The following VSTM2B variants were observed in gnomAD, a reference collection of about 807,000 sequenced individuals.
VSTM2B encodes V-set and transmembrane domain containing 2B, also known as V-set and transmembrane domain-containing protein 2B.
In VSTM2B, 24 loss-of-function variants were observed where a neutral mutation model predicts 24.0. The ratio of observed to expected loss-of-function variants is 1.00; its 90% CI spans 0.72 to 1.40. VSTM2B has a LOEUF of 1.40. Among genes scored for constraint, VSTM2B ranks in the 40% most tolerant of loss-of-function variants. The pLI is 0.00. For synonymous variants in VSTM2B, 226 were observed against 194.4 expected (o/e 1.16, Z -1.35); for missense variants, 399 against 416.4 (o/e 0.96, Z 0.36).
chr19:29,545,485 T>C (rs922525224), intron 4 of VSTM2B, among the ~76,000 whole-genome samples: 2 of 152,078 alleles, frequency 1.3e-5, no homozygotes, highest in Non-Finnish European at 1.5e-5. Context: ...TGCTGGCACA[T>C]GCCTGTAACC....
chr19:29,551,892 A>G (rs947311170), intron 4 of VSTM2B, among the ~76,000 whole-genome samples: 2 of 152,184 alleles, frequency 1.3e-5, no homozygotes, highest in Non-Finnish European at 2.9e-5. Flanking sequence ...TCTCCACGCC[A>G]TGTAAAAAAA....
intron 4 of VSTM2B, among the ~76,000 whole-genome samples, chr19:29,541,885 T>C (rs1599887884): frequency 6.7e-6 from 1 of 150,370 alleles, no homozygotes; most frequent in East Asian, 2.0e-4. Context: ...AATGAATGAA[T>C]GGATACAAGG....
At chr19:29,543,592 C>T (rs558727247) in intron 4 of VSTM2B, among the ~76,000 whole-genome samples, 3 of 152,340 alleles carry the variant, frequency 2.0e-5, no homozygotes, top group African/African-American at 7.2e-5. Context: ...GGCCCATTTC[C>T]ACTGTGCAGG....
chr19:29,557,341 C>G (rs1218603439), intron 4 of VSTM2B, among the ~76,000 whole-genome samples: 3 of 152,182 alleles, frequency 2.0e-5, no homozygotes, highest in Non-Finnish European at 4.4e-5. Flanking sequence ...TAGCCATATG[C>G]AGAAAATTGA....
intron 4 of VSTM2B, among the ~76,000 whole-genome samples, chr19:29,531,595 C>A (rs536933989): frequency 6.6e-6 from 1 of 152,226 alleles, no homozygotes; most frequent in African/African-American, 2.4e-5. Context: ...ACTGTAGCAG[C>A]CGCCTCAGTG....
intron 4 of VSTM2B, 53 bp from the exon 5 acceptor site, chr19:29,563,793 C>T (rs1318436660): frequency 1.3e-6 from 2 of 1,502,028 alleles, no homozygotes; most frequent in South Asian, 1.2e-5. Flanking sequence ...CTGTGAGCTC[C>T]TAGGTTCTTG....
chr19:29,538,287 G>A (rs530530083), intron 4 of VSTM2B, among the ~76,000 whole-genome samples: 113 of 152,276 alleles, frequency 7.4e-4, no homozygotes, highest in South Asian at 4.4e-3. Flanking sequence ...GCACGACACC[G>A]ATTCCTATGC....
At chr19:29,563,513 G>T (rs550720343) in intron 4 of VSTM2B, among the ~76,000 whole-genome samples, 75 of 152,100 alleles carry the variant, frequency 4.9e-4, no homozygotes, top group Admixed American at 1.2e-3. Flanking sequence ...AAAGTGTTGG[G>T]ATTACAGGCA....
At position 29,530,120 on chromosome 19, in the gene VSTM2B, A is replaced by G; in HGVS notation, c.599A>G (p.Lys200Arg). 2.1e-6 allele frequency: 3 copies of G among 1,444,942 alleles called. No homozygotes were observed. Among genetic ancestry groups the G allele is most frequent in the Admixed American group, 2.9e-5 (1 of 35,016 alleles). The allele number at this position is 1,444,942 out of a possible 1,614,324, so 89.5% of individuals were successfully genotyped here. A position where few individuals can be genotyped will look rare whatever the true frequency, so the allele number is the denominator to read the frequency against. Residue 200 changes from lysine (K) to arginine (R), a missense_variant, in exon 4 of 5, where the codon AAG (lysine) becomes AGG (arginine). Transcript: ENST00000335523. The stretch of plus-strand genomic sequence containing the variant: ...ACCTCCGAGCCCGGCCGCGGCGACA[A>G]GAGCCCGCCGCCCGGGAGCCCTCCC... ...RTTSEPGRGD[K>R]SPPPGSPPAA... is the part of the protein sequence containing the mutation.
intron 4 of VSTM2B, among the ~76,000 whole-genome samples, chr19:29,560,377 T>G (rs895792279): frequency 6.6e-6 from 1 of 152,080 alleles, no homozygotes; most frequent in African/African-American, 2.4e-5. Flanking sequence ...TTTTATGAGG[T>G]AAAGAATGTT....
intron 4 of VSTM2B, among the ~76,000 whole-genome samples, chr19:29,535,169 C>G (rs1969858599): frequency 6.6e-6 from 1 of 152,224 alleles, no homozygotes; most frequent in African/African-American, 2.4e-5. Context: ...GTTCATAAAT[C>G]TGGCTCCTAA....
chr19:29,552,491 C>T (rs759039399), intron 4 of VSTM2B, among the ~76,000 whole-genome samples: 7 of 152,188 alleles, frequency 4.6e-5, no homozygotes, highest in Non-Finnish European at 1.0e-4. Context: ...CACCTACCAC[C>T]AGCCAAGGGA....
intron 4 of VSTM2B, among the ~76,000 whole-genome samples, chr19:29,537,331 T>C (rs1415188547): frequency 6.6e-6 from 1 of 152,152 alleles, no homozygotes; most frequent in African/African-American, 2.4e-5. Context: ...GGTTAGGGTG[T>C]AGCTGCTGTT....
At chr19:29,563,250 C>CTTT (rs5827658) in intron 4 of VSTM2B, among the ~76,000 whole-genome samples, 7 of 144,788 alleles carry the variant, frequency 4.8e-5, no homozygotes, top group Non-Finnish European at 3.0e-5. Flanking sequence ...AGCATATTGT[C>CTTT]TTTTTTTTTT....
chr19:29,537,710 C>G (rs1266315226), intron 4 of VSTM2B, among the ~76,000 whole-genome samples: 41 of 142,026 alleles, frequency 2.9e-4, no homozygotes, highest in Admixed American at 2.8e-3. Flanking sequence ...CCCACACCCA[C>G]CTACTCTCCC....
intron 4 of VSTM2B, among the ~76,000 whole-genome samples, chr19:29,551,007 T>C (rs548221195): frequency 6.6e-5 from 10 of 152,282 alleles, no homozygotes; most frequent in African/African-American, 2.2e-4. Flanking sequence ...AGACTACAGC[T>C]GGGGCCCATA....
intron 4 of VSTM2B, among the ~76,000 whole-genome samples, chr19:29,544,108 T>C (rs1273251091): frequency 1.3e-5 from 2 of 149,382 alleles, no homozygotes; most frequent in African/African-American, 5.0e-5. Flanking sequence ...TGTGTGTATA[T>C]ATATACCTAT....
intron 4 of VSTM2B, among the ~76,000 whole-genome samples, chr19:29,560,668 C>T (rs1180687430): frequency 6.6e-6 from 1 of 152,204 alleles, no homozygotes; most frequent in African/African-American, 2.4e-5. Context: ...CACCCTGGCC[C>T]AGCACAGAGT....
In VSTM2B at chr19:29,534,144, G is replaced by A. The variant is rs117161089; in HGVS notation, c.769+3854G>A. On this transcript the variant is annotated intron_variant, in intron 4 of 4. Transcript: ENST00000335523. The stretch of plus-strand genomic sequence containing the variant: ...CAACAAAGGATTGATGCAGGTCCCC[G>A]GGGCTGGCATCAGTGGGAGCCATCA... 1.7e-3 allele frequency among the ~76,000 whole-genome samples: 256 copies of A among 152,292 alleles called. 2 individuals carry two copies. The highest frequency in any genetic ancestry group is 8.7e-3 in the East Asian group (45 of 5,176).
Sources: allele counts gnomAD v4.1 joint callset (sites outside exome capture counted in the v4.1 genomes callset), GRCh38; gene constraint gnomAD v4.1.1; transcripts MANE v1.5; gene names NCBI Gene and HGNC (gene_info 2026-07-23, HGNC 2026-07-21).